The following CENPF variants were observed in gnomAD, a reference collection of about 807,000 sequenced individuals.
CENPF encodes AH antigen.
In CENPF, 214 loss-of-function variants were observed where a neutral mutation model predicts 307.3. The observed-to-expected ratio is 0.70, with a 90% CI of 0.62 to 0.78. CENPF has a LOEUF of 0.78. Among genes scored for constraint, CENPF ranks in the 30% least tolerant of loss-of-function variants. The pLI, the probability that CENPF is intolerant of heterozygous loss-of-function variation, is 0.00. For missense variants in CENPF, 3,401 were observed against 3,483.9 expected (o/e 0.98, Z 0.60); for synonymous variants, 1,259 against 1,270.6 (o/e 0.99, Z 0.19).
At position 214,657,319 on chromosome 1, in the gene CENPF, A is replaced by G. The variant is rs1244945553; in HGVS notation, c.8872A>G (p.Lys2958Glu). 1 of 1,614,026 alleles carries G rather than the reference A, an allele frequency of 6.2e-7. No homozygotes were observed. The highest frequency in any genetic ancestry group is 1.7e-5 in the Admixed American group (1 of 60,020). Residue 2958 changes from lysine (K) to glutamate (E), a missense_variant, in exon 18 of 20, where the codon AAG (lysine) becomes GAG (glutamate). Transcript: ENST00000366955. Reference protein sequence around the residue: ...ATPESFSKKSKKAVMSGIHPA... With the variant: ...ATPESFSKKSEKAVMSGIHPA... ...CCCAGAGAGCTTTTCTAAAAAAAGC[A>G]AGAAAGCAGTCATGAGTGGTATTCA...
chr1:214,618,619 G>T lies in CENPF; in HGVS notation c.406G>T (p.Asp136Tyr). 6.2e-7 allele frequency: 1 copy of T among 1,614,134 alleles called. No homozygotes were observed. Among genetic ancestry groups the T allele is most frequent in the Non-Finnish European group, 8.5e-7 (1 of 1,180,012 alleles). ...AAGCCAACAAGCTGCGCAGTCTGCAGATGTCTCTCTGAATCCATGCAATAC... is the reference window on the plus strand; with the variant it reads ...AAGCCAACAAGCTGCGCAGTCTGCATATGTCTCTCTGAATCCATGCAATAC... ...ERSQQAAQSA[D>Y]VSLNPCNTPQ... Residue 136 changes from aspartate to tyrosine, a missense_variant, in exon 4 of 20, where the codon GAT becomes TAT. Asp to Tyr is a radical substitution (Grantham distance 160). Transcript: ENST00000366955.
chr1:214,608,587 G>C, intron 1 of CENPF: 1 of 1,609,650 alleles, frequency 6.2e-7, no homozygotes, highest in Non-Finnish European at 8.5e-7. Flanking sequence ...GACCTCAATG[G>C]TGTCCAGCTC....
intron 7 of CENPF, among the ~76,000 whole-genome samples, chr1:214,624,049 A>G (rs1158336194): frequency 6.6e-6 from 1 of 152,194 alleles, no homozygotes; most frequent in Non-Finnish European, 1.5e-5. Flanking sequence ...GTTGTACAAA[A>G]TAATAGCTTG....
At position 214,640,211 on chromosome 1, in the gene CENPF, G is replaced by C; in HGVS notation, c.1873G>C (p.Glu625Gln). ...AACTCTGTTTTCTTGTTGGAAAAGT[G>C]AAAACGAAAAACTTTTAACTCAGAT... ...EKTLFSCWKS[E>Q]NEKLLTQMES... is the part of the protein sequence containing the mutation. The change falls in exon 12 of 20, where the codon GAA (glutamate) becomes CAA (glutamine). Residue 625 changes from glutamate to glutamine, a missense_variant. By Grantham distance (29) the Glu-to-Gln change is conservative. Transcript: ENST00000366955. The C allele has an allele frequency of 6.2e-7, 1 of 1,600,348 alleles. No individual in the cohort carries two copies. Among genetic ancestry groups the C allele is most frequent in the Non-Finnish European group, 8.5e-7 (1 of 1,176,820 alleles).
chr1:214,614,361 G>A (rs892933513), intron 2 of CENPF, among the ~76,000 whole-genome samples: 6 of 152,050 alleles, frequency 3.9e-5, no homozygotes, highest in Middle Eastern at 3.4e-3. Flanking sequence ...TTTTACCTTG[G>A]TATTCCTCAA....
At chr1:214,655,968 C>T (rs2102417849) in intron 17 of CENPF, among the ~76,000 whole-genome samples, 1 of 152,244 alleles carries the variant, frequency 6.6e-6, no homozygotes, top group South Asian at 2.1e-4. Context: ...GAACTTTTTG[C>T]TAATGAGCCA....
chr1:214,646,095 T>G lies in CENPF; in HGVS notation c.6525T>G (p.Leu2175=). The change falls in exon 13 of 20, where the codon CTT becomes CTG. Residue 2175 remains leucine (L), a synonymous_variant. Transcript: ENST00000366955. ...AAGAAAACCAGGAGCTAGTGATTCT[T>G]GATGCCGAGAATTCCAAAGCAGAAG... ...MSEENQELVI[L]DAENSKAEVE... The G allele has an allele frequency of 3.1e-6, 5 of 1,614,042 alleles. No homozygotes were observed. Among genetic ancestry groups the G allele is most frequent in the Non-Finnish European group, 4.2e-6 (5 of 1,180,038 alleles).
intron 1 of CENPF, chr1:214,605,366 A>G (rs1434102134): frequency 3.1e-6 from 1 of 325,290 alleles, no homozygotes; most frequent in East Asian, 6.5e-5. Context: ...AACAAGGGAA[A>G]CAAGGCATAG....
Position 214,631,279 on chromosome 1 carries a change from ATTC to A in CENPF, c.1323+623_1323+625del, listed in dbSNP as rs529284152. On this transcript the variant is annotated intron_variant, in intron 9 of 19. Coordinates refer to ENST00000366955, the MANE Select transcript of CENPF (RefSeq NM_016343.4). ...GGACCAAAACCTCCATGTCACTTCT[ATTC>A]TTCTTTTTCTCTTACACTTGAATCT... Among the ~76,000 whole-genome samples the A allele has an allele frequency of 5.2e-3, 798 of 152,106 alleles. 5 individuals carry two copies. Among genetic ancestry groups the A allele is most frequent in the Non-Finnish European group, 8.7e-3 (589 of 67,986 alleles).
Position 214,641,648 on chromosome 1 carries a change from G to C in CENPF, c.3310G>C (p.Glu1104Gln), listed in dbSNP as rs780937326. Residue 1104 changes from glutamate to glutamine, a missense_variant, in exon 12 of 20, where the codon GAG becomes CAG. Transcript: ENST00000366955. Reference protein sequence around the residue: ...ERNQNLMLELETVQQALRSEM... With the variant: ...ERNQNLMLELQTVQQALRSEM... ...AAATCAGAATCTGATGCTAGAGTTG[G>C]AGACAGTGCAGCAAGCTCTGAGATC... is the stretch of plus-strand genomic sequence containing the variant. 6.3e-7 allele frequency: 1 copy of C among 1,578,136 alleles called. No individual in the cohort carries two copies. Among genetic ancestry groups the C allele is most frequent in the South Asian group, 1.2e-5 (1 of 84,354 alleles).
intron 14 of CENPF, 52 bp downstream of exon 14, chr1:214,648,879 ACT>A (rs1462926689): frequency 1.3e-6 from 2 of 1,561,828 alleles, no homozygotes; most frequent in Non-Finnish European, 1.7e-6. Flanking sequence ...CATTGTGCAC[ACT>A]CTCCTTATTG....
intron 1 of CENPF, chr1:214,605,863 G>T: frequency 6.3e-7 from 1 of 1,597,104 alleles, no homozygotes; most frequent in Non-Finnish European, 8.5e-7. Context: ...CGTGGATGAT[G>T]AGCACGGGCG....
Position 214,616,644 on chromosome 1 carries a change from A to G in CENPF, c.359+1616A>G, listed in dbSNP as rs549221036. Reference sequence around the variant, plus strand: ...ACTTATTTCTCGGTGCTTTTTAAATACTAGTGGAACATTTCCATTGGACCT... The same window carrying G: ...ACTTATTTCTCGGTGCTTTTTAAATGCTAGTGGAACATTTCCATTGGACCT... On this transcript the variant is annotated intron_variant, in intron 3 of 19. Transcript: ENST00000366955. Among the ~76,000 whole-genome samples the G allele has an allele frequency of 5.5e-4, 83 of 152,186 alleles. 1 individual carries two copies. Among genetic ancestry groups the G allele is most frequent in the Non-Finnish European group, 1.0e-3 (68 of 68,024 alleles).
chr1:214,606,786 G>T (rs895901729), intron 1 of CENPF, among the ~76,000 whole-genome samples: 255 of 127,482 alleles, frequency 2.0e-3, no homozygotes, highest in East Asian at 2.5e-3. Flanking sequence ...TGTGCAGCCC[G>T]TGACCCAGCT....
At chr1:214,613,954 A>G (rs756943441) in intron 2 of CENPF, 38 bp downstream of exon 2, 1 of 1,555,270 alleles carries the variant, frequency 6.4e-7, no homozygotes, top group Admixed American at 2.1e-5. Context: ...CTGTTCACTC[A>G]TTATTGACAG....
In CENPF at chr1:214,663,841, A is replaced by G; in HGVS notation, c.*47A>G. 1 of 1,500,876 alleles carries G rather than the reference A, an allele frequency of 6.7e-7. No homozygotes were observed. The allele number at this position is 1,500,876 out of a possible 1,614,324, so 93.0% of individuals were successfully genotyped here. On this transcript the variant is annotated 3_prime_UTR_variant, in exon 20 of 20. Transcript: ENST00000366955. ...CCCTGGGAGGTGCCAGTCATTGAAT[A>G]GATAAGGCTGTGCCTACAGGACTTC...
intron 11 of CENPF, among the ~76,000 whole-genome samples, chr1:214,639,362 C>T (rs1486212530): frequency 6.6e-6 from 1 of 152,158 alleles, no homozygotes; most frequent in Non-Finnish European, 1.5e-5. Context: ...TAATGTTCCT[C>T]AGGAATATTC....
At chr1:214,623,925 T>A (rs1657582732) in intron 7 of CENPF, among the ~76,000 whole-genome samples, 1 of 152,202 alleles carries the variant, frequency 6.6e-6, no homozygotes, top group Non-Finnish European at 1.5e-5. Flanking sequence ...TTTCTGAGGC[T>A]TTAGGTAAAA....
intron 8 of CENPF, among the ~76,000 whole-genome samples, chr1:214,629,853 A>G (rs1270943948): frequency 6.6e-6 from 1 of 151,982 alleles, no homozygotes; most frequent in Non-Finnish European, 1.5e-5. Context: ...TGCCTGGCCA[A>G]CTCCAGTTGT....
Sources: gnomAD v4.1 joint callset for allele counts (sites outside exome capture counted in the v4.1 genomes callset) on GRCh38, gnomAD v4.1.1 for gene constraint, MANE v1.5 for transcripts, NCBI Gene and HGNC (gene_info 2026-07-23, HGNC 2026-07-21) for gene names.